Variants in COL21A1 observed in about 807,000 individuals in gnomAD.
COL21A1 encodes collagen alpha-1(XXI) chain.
Under a neutral mutation model 137.9 loss-of-function variants are expected in COL21A1, and 149 were observed. The ratio of observed to expected loss-of-function variants is 1.08; its 90% CI spans 0.95 to 1.24. COL21A1 has a LOEUF of 1.24. Ranked by LOEUF, COL21A1 falls within the 50% of genes most tolerant of loss-of-function variation. COL21A1 has a pLI of 0.00. For missense variants in COL21A1, 1,167 were observed against 1,158.4 expected (o/e 1.01, Z -0.11); for synonymous variants, 456 against 391.5 (o/e 1.16, Z -1.95).
At chr6:56,099,454 T>G (rs1008895297) in intron 17 of COL21A1, among the ~76,000 whole-genome samples, 24 of 151,756 alleles carry the variant, frequency 1.6e-4, no homozygotes, top group African/African-American at 5.6e-4. Flanking sequence ...GCCAGGATGG[T>G]CTCGATCTCC....
chr6:56,129,671 C>T (rs1015363799), intron 12 of COL21A1, among the ~76,000 whole-genome samples: 12 of 85,674 alleles, frequency 1.4e-4, no homozygotes, highest in African/African-American at 2.4e-4. Flanking sequence ...CTGTCACGTG[C>T]GTGCGTGTGT....
At chr6:56,360,946 G>A (rs776724307) in intron 1 of COL21A1, among the ~76,000 whole-genome samples, 14 of 152,030 alleles carry the variant, frequency 9.2e-5, no homozygotes, top group South Asian at 2.1e-4. Flanking sequence ...CTAAAAATAC[G>A]AAAATAAGCC....
chr6:56,222,690 A>G (rs1215343639), intron 1 of COL21A1, among the ~76,000 whole-genome samples: 2 of 152,136 alleles, frequency 1.3e-5, no homozygotes, highest in Non-Finnish European at 2.9e-5. Flanking sequence ...TCATGTACAC[A>G]AAGATTCTGT....
chr6:56,305,012 G>T (rs1764406801), intron 1 of COL21A1, among the ~76,000 whole-genome samples: 1 of 152,188 alleles, frequency 6.6e-6, no homozygotes, highest in Non-Finnish European at 1.5e-5. Flanking sequence ...TTCAGGAGCA[G>T]GTTGTTCAGT....
chr6:56,324,923 G>C (rs907233411), intron 1 of COL21A1, among the ~76,000 whole-genome samples: 142 of 151,978 alleles, frequency 9.3e-4, no homozygotes, highest in African/African-American at 3.1e-3. Context: ...TATGAAAGAT[G>C]CCTTCCTATA....
intron 17 of COL21A1, among the ~76,000 whole-genome samples, chr6:56,099,266 C>G (rs2152160809): frequency 7.9e-6 from 1 of 126,572 alleles, no homozygotes; most frequent in Non-Finnish European, 1.6e-5. Context: ...GGGAGTTTAG[C>G]TCTGTCGCCC....
intron 10 of COL21A1, among the ~76,000 whole-genome samples, chr6:56,144,134 T>C (rs1040405642): frequency 2.0e-5 from 3 of 152,250 alleles, no homozygotes; most frequent in Non-Finnish European, 4.4e-5. Context: ...GCTCTGTCAC[T>C]GCTAGCAATG....
At chr6:56,177,750 C>G (rs1434802113) in intron 3 of COL21A1, among the ~76,000 whole-genome samples, 1 of 138,846 alleles carries the variant, frequency 7.2e-6, no homozygotes, top group Non-Finnish European at 1.5e-5. Context: ...CGAGATTGCA[C>G]CACTGCACTC....
intron 1 of COL21A1, among the ~76,000 whole-genome samples, chr6:56,378,737 A>C (rs2094003913): frequency 6.6e-6 from 1 of 152,170 alleles, no homozygotes; most frequent in Admixed American, 6.5e-5. Context: ...GAACATACGC[A>C]ATAGCCAGAG....
chr6:56,303,045 C>T (rs12208048), intron 1 of COL21A1, among the ~76,000 whole-genome samples: 1 of 151,762 alleles, frequency 6.6e-6, no homozygotes, highest in African/African-American at 2.4e-5. Context: ...GTTGTAGATA[C>T]GTGGCATTAT....
At chr6:56,261,850 T>C (rs191857346) in intron 1 of COL21A1, among the ~76,000 whole-genome samples, 208 of 152,318 alleles carry the variant, frequency 1.4e-3, no homozygotes, top group Non-Finnish European at 2.4e-3. Flanking sequence ...TACCATGTTG[T>C]CTGCCATTCA....
intron 9 of COL21A1, among the ~76,000 whole-genome samples, chr6:56,158,266 C>CTTTTTTTTTTTTTTTTTTTTTTTTTTTT: frequency 1.6e-5 from 1 of 62,404 alleles, no homozygotes; most frequent in Non-Finnish European, 2.8e-5. Flanking sequence ...TTTTTTTTTT[C>CTTTTTTTTTTTTTTTTTTTTTTTTTTTT]TTTTTTTTTT....
chr6:56,289,622 AC>A, intron 1 of COL21A1, among the ~76,000 whole-genome samples: 1 of 152,058 alleles, frequency 6.6e-6, no homozygotes, highest in Non-Finnish European at 1.5e-5. Context: ...ATTTAACCAT[AC>A]TCTTAGAATG....
chr6:56,137,724 A>C (rs902898763), intron 12 of COL21A1, among the ~76,000 whole-genome samples: 12 of 151,888 alleles, frequency 7.9e-5, no homozygotes, highest in Non-Finnish European at 1.3e-4. Flanking sequence ...TTTCCTTATA[A>C]TACCAACAGA....
chr6:56,228,130 T>C (rs1320065120), intron 1 of COL21A1, among the ~76,000 whole-genome samples: 1 of 151,828 alleles, frequency 6.6e-6, no homozygotes, highest in East Asian at 1.9e-4. Context: ...AACATGGTCT[T>C]TTGCATTAAG....
chr6:56,241,249 T>C (rs1782302777), intron 1 of COL21A1, among the ~76,000 whole-genome samples: 1 of 152,148 alleles, frequency 6.6e-6, no homozygotes, highest in Non-Finnish European at 1.5e-5. Flanking sequence ...AGAGAGCTTG[T>C]TTTCTTTCTC....
intron 1 of COL21A1, among the ~76,000 whole-genome samples, chr6:56,354,612 C>T (rs953600173): frequency 2.0e-5 from 3 of 152,132 alleles, no homozygotes; most frequent in Non-Finnish European, 4.4e-5. Context: ...CTGGGCATGG[C>T]GGCTCATGCC....
chr6:56,252,224 A>G (rs1430025489), upstream of COL21A1, among the ~76,000 whole-genome samples: 1 of 152,320 alleles, frequency 6.6e-6, no homozygotes, highest in Middle Eastern at 3.4e-3. Context: ...TGAGTTCCCA[A>G]TTACTACAAG....
chr6:56,313,694 T>C (rs151048520), intron 1 of COL21A1, among the ~76,000 whole-genome samples: 1 of 152,208 alleles, frequency 6.6e-6, no homozygotes, highest in African/African-American at 2.4e-5. Flanking sequence ...CATACAACCA[T>C]TAGGAAAACA....
Sources: allele counts gnomAD v4.1 joint callset (sites outside exome capture counted in the v4.1 genomes callset), GRCh38; gene constraint gnomAD v4.1.1; transcripts MANE v1.5; gene names NCBI Gene and HGNC (gene_info 2026-07-23, HGNC 2026-07-21).